DNAH14: variants seen among roughly 807,000 people sequenced by gnomAD.
DNAH14 encodes the protein axonemal beta dynein heavy chain 14.
Under a neutral mutation model 520.9 loss-of-function variants are expected in DNAH14, and 478 were observed. That is an observed-to-expected ratio of 0.92 (90% CI 0.85 to 0.99). DNAH14 has a LOEUF of 0.99. Among genes scored for constraint, DNAH14 ranks in the 50% least tolerant of loss-of-function variants. The probability of loss-of-function intolerance (pLI) is 0.00; values close to 1 mark genes in which losing one functional copy is unlikely to be tolerated. For missense variants in DNAH14, 4,831 were observed against 5,234.5 expected (o/e 0.92, Z 2.38); for synonymous variants, 1,581 against 1,757.2 (o/e 0.90, Z 2.51).
intron 56 of DNAH14, 53 bp downstream of exon 56, chr1:225,301,083 G>A (rs770349504): frequency 1.7e-5 from 25 of 1,483,908 alleles, no homozygotes; most frequent in Non-Finnish European, 2.2e-5. Context: ...AGTAGACCGT[G>A]TTTATAATTC....
chr1:225,294,317 T>C (rs2093959378), intron 55 of DNAH14, among the ~76,000 whole-genome samples: 1 of 152,170 alleles, frequency 6.6e-6, no homozygotes, highest in Non-Finnish European at 1.5e-5. Flanking sequence ...ATCTTTTTGA[T>C]GTGTTGTTGG....
intron 15 of DNAH14, among the ~76,000 whole-genome samples, chr1:225,046,347 G>A (rs1056784895): frequency 2.6e-5 from 4 of 152,110 alleles, no homozygotes; most frequent in Middle Eastern, 6.8e-3. Context: ...AAAGGCTTCA[G>A]GATATGGTAT....
At chr1:224,970,338 C>CA (rs1572137811) in intron 7 of DNAH14, among the ~76,000 whole-genome samples, 1 of 152,136 alleles carries the variant, frequency 6.6e-6, no homozygotes, top group Non-Finnish European at 1.5e-5. Context: ...AAGATGTTAT[C>CA]AGTGACAATG....
chr1:224,960,367 T>A (rs957756023), intron 4 of DNAH14, 65 bp downstream of exon 4: 1 of 1,414,652 alleles, frequency 7.1e-7, no homozygotes, highest in African/African-American at 1.5e-5. Flanking sequence ...TTCTGTGGTT[T>A]GTGTGCTTAT....
chr1:225,372,410 G>T, intron 77 of DNAH14, among the ~76,000 whole-genome samples: 1 of 152,102 alleles, frequency 6.6e-6, no homozygotes, highest in East Asian at 1.9e-4. Context: ...ATAGTTGAGG[G>T]TGCAAAAATC....
intron 4 of DNAH14, among the ~76,000 whole-genome samples, chr1:224,960,581 T>C: frequency 6.6e-6 from 1 of 152,126 alleles, no homozygotes; most frequent in East Asian, 1.9e-4. Flanking sequence ...ACTGTATGGT[T>C]TTTTACATAC....
intron 17 of DNAH14, among the ~76,000 whole-genome samples, chr1:225,059,140 A>G (rs1032848937): frequency 3.3e-5 from 5 of 152,124 alleles, no homozygotes; most frequent in East Asian, 1.9e-4. Flanking sequence ...AAAGTCTCCC[A>G]TTATTATTGT....
intron 41 of DNAH14, among the ~76,000 whole-genome samples, chr1:225,223,181 G>A (rs2149519891): frequency 6.6e-6 from 1 of 152,302 alleles, no homozygotes. Flanking sequence ...AGCGACATTA[G>A]AAGGGGAGCT....
chr1:225,073,991 G>GTTTT (rs34546228), intron 17 of DNAH14, among the ~76,000 whole-genome samples: 8 of 55,086 alleles, frequency 1.5e-4, no homozygotes, highest in African/African-American at 3.4e-4. Flanking sequence ...GTTTTAGGAA[G>GTTTT]TTTTTTTTTT....
At chr1:225,312,792 G>A (rs903510562) in intron 60 of DNAH14, among the ~76,000 whole-genome samples, 1 of 152,184 alleles carries the variant, frequency 6.6e-6, no homozygotes, top group African/African-American at 2.4e-5. Flanking sequence ...CAGGGATGAA[G>A]CCAACTTGAT....
intron 43 of DNAH14, 58 bp downstream of exon 43, chr1:225,240,880 A>G: frequency 8.1e-7 from 1 of 1,233,348 alleles, no homozygotes; most frequent in South Asian, 1.5e-5. Context: ...ATTTAAAGCA[A>G]TGCTTGGCTT....
intron 36 of DNAH14, among the ~76,000 whole-genome samples, chr1:225,184,809 A>G (rs1280685300): frequency 6.6e-6 from 1 of 152,070 alleles, no homozygotes; most frequent in Admixed American, 6.6e-5. Flanking sequence ...AAGAAGCCAT[A>G]CTGAATAGGT....
chr1:224,974,143 G>T lies in DNAH14; in HGVS notation c.820G>T (p.Glu274Ter). 1 of 1,483,974 alleles carries T rather than the reference G, an allele frequency of 6.7e-7. No individual in the cohort carries two copies. The highest frequency in any genetic ancestry group is 1.4e-5 in the South Asian group (1 of 71,248). 91.9% of individuals were successfully genotyped at this position (1,483,974 alleles called of 1,614,324 possible). A position where few individuals can be genotyped will look rare whatever the true frequency, so the allele number is the denominator to read the frequency against. ...WKLNVKRIKT[E>*]KSRSFLYHHL... is the part of the protein sequence containing the mutation. ...ATTGAATGTTAAAAGAATTAAGACA[G>T]AGAAGAGCAGGTAAGTTTTGATACG... The change falls in exon 8 of 86, where the codon GAG becomes TAG. Residue 274 changes from glutamate to a stop codon, truncating the protein, a stop_gained. Coordinates refer to ENST00000682510, the MANE Select transcript of DNAH14 (RefSeq NM_001367479.1). LOFTEE classifies it high-confidence loss of function.
At chr1:225,121,538 A>G (rs1012140860) in intron 26 of DNAH14, among the ~76,000 whole-genome samples, 7 of 152,180 alleles carry the variant, frequency 4.6e-5, no homozygotes, top group Middle Eastern at 3.2e-3. Flanking sequence ...TTCACTTAGC[A>G]TACATAATGT....
chr1:225,319,613 C>CAAG (rs2094525258), intron 61 of DNAH14, among the ~76,000 whole-genome samples: 1 of 152,068 alleles, frequency 6.6e-6, no homozygotes, highest in Non-Finnish European at 1.5e-5. Context: ...GAGAAACAAG[C>CAAG]AAGAGAAGGA....
chr1:225,337,558 A>G (rs935502895), intron 67 of DNAH14, 62 bp downstream of exon 67: 2 of 1,354,270 alleles, frequency 1.5e-6, no homozygotes, highest in African/African-American at 2.9e-5. Flanking sequence ...TGCACTGAGC[A>G]TAAAGGCTAA....
intron 27 of DNAH14, among the ~76,000 whole-genome samples, chr1:225,131,568 A>C (rs2078426799): frequency 6.6e-6 from 1 of 152,230 alleles, no homozygotes; most frequent in African/African-American, 2.4e-5. Flanking sequence ...CAGATAATCC[A>C]GAATAATCTC....
intron 48 of DNAH14, among the ~76,000 whole-genome samples, chr1:225,265,774 A>G (rs1440633184): frequency 6.6e-6 from 1 of 152,112 alleles, no homozygotes; most frequent in East Asian, 1.9e-4. Flanking sequence ...GAAGACACAG[A>G]TAAACTTGGT....
chr1:225,391,961 T>G (rs1006870890), intron 83 of DNAH14, among the ~76,000 whole-genome samples: 3 of 152,052 alleles, frequency 2.0e-5, no homozygotes, highest in South Asian at 2.1e-4. Context: ...GCCGAGAGGA[T>G]GAGGCATGAT....
Sources: allele counts gnomAD v4.1 joint callset (sites outside exome capture counted in the v4.1 genomes callset), GRCh38; gene constraint gnomAD v4.1.1; transcripts MANE v1.5; gene names NCBI Gene and HGNC (gene_info 2026-07-23, HGNC 2026-07-21).